Variants in MTSS1 observed in about 807,000 individuals in gnomAD.
MTSS1 encodes MTSS I-BAR domain containing 1.
A neutral mutation model predicts 79.0 loss-of-function variants in MTSS1; 18 were observed. That is an observed-to-expected ratio of 0.23 (90% CI 0.16 to 0.34). The LOEUF is 0.34. Ranked by LOEUF, MTSS1 falls within the 10% of genes least tolerant of loss-of-function variation. MTSS1 has a pLI of 1.00. For missense variants in MTSS1, 815 were observed against 986.2 expected (o/e 0.83, Z 2.33); for synonymous variants, 341 against 368.6 (o/e 0.93, Z 0.86).
chr8:124,711,782 G>T (rs945821173), intron 1 of MTSS1, among the ~76,000 whole-genome samples: 3 of 152,132 alleles, frequency 2.0e-5, no homozygotes, highest in African/African-American at 7.2e-5. Context: ...TGAGGCAGAT[G>T]GATCACCTGA....
intron 3 of MTSS1, among the ~76,000 whole-genome samples, chr8:124,609,226 A>G (rs1835357383): frequency 1.3e-5 from 2 of 152,208 alleles, no homozygotes; most frequent in Non-Finnish European, 2.9e-5. Context: ...CTGCTGGGAC[A>G]GTCTCCTGCT....
chr8:124,577,571 A>G (rs1197100591), intron 6 of MTSS1: 1 of 518,950 alleles, frequency 1.9e-6, no homozygotes, highest in South Asian at 1.4e-5. Flanking sequence ...TCAGACATCT[A>G]TGGATTCAGG....
rs1588011300 is a variant in MTSS1 at position 124,724,395 on chromosome 8, A to T, written c.72+3489T>A. Among the ~76,000 whole-genome samples the T allele has an allele frequency of 2.0e-5, 3 of 152,142 alleles. No individual in the cohort carries two copies. The East Asian group carries it at 5.8e-4, about 29-fold the overall frequency. On this transcript the variant is annotated intron_variant, in intron 1 of 13. Coordinates refer to ENST00000518547, the MANE Select transcript of MTSS1 (RefSeq NM_014751.6). ...TATTCTGCTCAGCACAGGTGCTGGT[A>T]ACAGGACACCCCTGTCTAAAGTGAC...
intron 3 of MTSS1, among the ~76,000 whole-genome samples, chr8:124,599,482 C>CAAA (rs202122400): frequency 5.8e-5 from 5 of 85,666 alleles, no homozygotes; most frequent in Admixed American, 1.2e-4. Context: ...GACTCCGTCT[C>CAAA]AAAAAAAAAA....
intron 2 of MTSS1, among the ~76,000 whole-genome samples, chr8:124,702,437 G>A (rs1187726221): frequency 6.6e-6 from 1 of 152,202 alleles, no homozygotes; most frequent in Non-Finnish European, 1.5e-5. Context: ...CAGGGCTTAA[G>A]TACAGGACTT....
At chr8:124,586,511 G>T (rs558268138) in intron 5 of MTSS1, among the ~76,000 whole-genome samples, 146 of 152,168 alleles carry the variant, frequency 9.6e-4, no homozygotes, top group African/African-American at 3.3e-3. Context: ...CCTGTGCTCT[G>T]CCCTACAGTC....
chr8:124,605,617 C>A lies in MTSS1; in HGVS notation c.209-14382G>T, dbSNP rs137882296. 2.1e-5 allele frequency among the ~76,000 whole-genome samples: 3 copies of A among 140,524 alleles called. No individual in the cohort carries two copies. The East Asian group carries it at 6.3e-4, about 29-fold the overall frequency. The allele number at this position is 140,524 out of a possible 152,430, so 92.2% of individuals were successfully genotyped here. Reference sequence around the variant, plus strand: ...TGCCTCCCTCCCTGCCCTCGCGCTGCCTCCCTCCCTGCCCTCGCGCTGGGC... The same window carrying A: ...TGCCTCCCTCCCTGCCCTCGCGCTGACTCCCTCCCTGCCCTCGCGCTGGGC... On this transcript the variant is annotated intron_variant, in intron 3 of 13. Coordinates refer to ENST00000518547, the MANE Select transcript of MTSS1 (RefSeq NM_014751.6).
rs1321475516 is a variant in MTSS1 at position 124,552,459 on chromosome 8, T to G, written c.*533A>C. On this transcript the variant is annotated 3_prime_UTR_variant, in exon 14 of 14. Coordinates refer to ENST00000518547, the MANE Select transcript of MTSS1 (RefSeq NM_014751.6). ...TTCACTCTGAATATTGCTCATCAAT[T>G]GTTACTCCTGCTCTTTTCATCCAGA... The G allele has an allele frequency of 6.4e-6, 1 of 156,132 alleles. No homozygotes were observed. Among genetic ancestry groups the G allele is most frequent in the Non-Finnish European group, 1.4e-5 (1 of 70,298 alleles). 9.7% of individuals were successfully genotyped at this position (156,132 alleles called of 1,614,324 possible).
At chr8:124,656,221 T>C (rs572565301) in intron 3 of MTSS1, among the ~76,000 whole-genome samples, 17 of 152,182 alleles carry the variant, frequency 1.1e-4, no homozygotes, top group African/African-American at 3.9e-4. Context: ...GCTAGCATAC[T>C]TGAACTCAAA....
At chr8:124,560,674 CAACAA>C (rs1258333946) in intron 10 of MTSS1, among the ~76,000 whole-genome samples, 1 of 152,038 alleles carries the variant, frequency 6.6e-6, no homozygotes, top group Non-Finnish European at 1.5e-5. Flanking sequence ...AAAAATAAAA[CAACAA>C]AACAGTAACC....
chr8:124,614,557 G>A (rs192691751), intron 3 of MTSS1, among the ~76,000 whole-genome samples: 1 of 152,336 alleles, frequency 6.6e-6, no homozygotes, highest in African/African-American at 2.4e-5. Context: ...GGATCCAGAA[G>A]ACTATGCTTC....
rs1364000140 is a variant in MTSS1 at position 124,727,136 on chromosome 8, CA to C, written c.72+747del. ...CGCGCGCACACACACACCATCTTCA[CA>C]ACCCTTCCAAGAGAAAACCTAGAGT... On this transcript the variant is annotated intron_variant, in intron 1 of 13. Coordinates refer to ENST00000518547, the MANE Select transcript of MTSS1 (RefSeq NM_014751.6). This position sits in a 1 kb window ranked among gnomAD's most constrained non-coding sequence, Gnocchi z 4.7. Among the ~76,000 whole-genome samples the C allele has an allele frequency of 6.6e-6, 1 of 152,150 alleles. No homozygotes were observed. Among genetic ancestry groups the C allele is most frequent in the Non-Finnish European group, 1.5e-5 (1 of 68,004 alleles).
At chr8:124,716,306 C>A (rs1831968387) in intron 1 of MTSS1, among the ~76,000 whole-genome samples, 1 of 152,280 alleles carries the variant, frequency 6.6e-6, no homozygotes, top group Non-Finnish European at 1.5e-5. Context: ...GCGTTCCCTG[C>A]AAAAGACAGA....
At position 124,716,981 on chromosome 8, in the gene MTSS1, T is replaced by G. The variant is rs1483526419; in HGVS notation, c.72+10903A>C. Among the ~76,000 whole-genome samples, 17 of 150,914 alleles carry G rather than the reference T, an allele frequency of 1.1e-4. 1 individual carries two copies. The highest frequency in any genetic ancestry group is 1.1e-3 in the Admixed American group (17 of 15,182). ...TGTCTAGTCACAAGGATGTACTTGTTGTAGGGTTGCTTATAATTAGTAAAA... is the reference window on the plus strand; with the variant it reads ...TGTCTAGTCACAAGGATGTACTTGTGGTAGGGTTGCTTATAATTAGTAAAA... On this transcript the variant is annotated intron_variant, in intron 1 of 13. Coordinates refer to ENST00000518547, the MANE Select transcript of MTSS1 (RefSeq NM_014751.6).
At chr8:124,652,797 A>C (rs796893835) in intron 3 of MTSS1, among the ~76,000 whole-genome samples, 1 of 149,126 alleles carries the variant, frequency 6.7e-6, no homozygotes, top group Non-Finnish European at 1.5e-5. Flanking sequence ...TCCGTCTCAA[A>C]AAAAAAAAAA....
chr8:124,599,296 C>T (rs983208058), intron 3 of MTSS1, among the ~76,000 whole-genome samples: 1 of 152,010 alleles, frequency 6.6e-6, no homozygotes, highest in African/African-American at 2.4e-5. Context: ...CCAGCCTGGC[C>T]AACATGGTGA....
In MTSS1 at chr8:124,585,145, G is replaced by T. The variant is rs776589180; in HGVS notation, c.402C>A (p.Arg134=). 5.0e-6 allele frequency: 8 copies of T among 1,612,880 alleles called. No individual in the cohort carries two copies. Among genetic ancestry groups the T allele is most frequent in the Non-Finnish European group, 6.8e-6 (8 of 1,179,676 alleles). The change falls in exon 6 of 14, where the codon CGC becomes CGA. Residue 134 remains arginine (R), a synonymous_variant. Transcript: ENST00000518547. ...CCGAGGACTTCTTTTTTATCTCTTG[G>T]CGGGCTTTCTTATATTCTAAGAGAA... ...KDHAKEYKKA[R]QEIKKKSSDT...
intron 2 of MTSS1, among the ~76,000 whole-genome samples, chr8:124,702,295 T>C (rs1488833871): frequency 1.3e-5 from 2 of 152,190 alleles, no homozygotes; most frequent in African/African-American, 2.4e-5. Flanking sequence ...ATGGTAATCA[T>C]GGCAGACATG....
At position 124,565,766 on chromosome 8, in the gene MTSS1, G is replaced by A. The variant is rs1586842655; in HGVS notation, c.727-7C>T. ...CTTTCAAGTCCAGAATCACCTAAGG[G>A]GACAGAGCCAGCTGGGTGAATGAGG... is the stretch of plus-strand genomic sequence containing the variant. On this transcript the variant is annotated splice_polypyrimidine_tract_variant and splice_region_variant and intron_variant, in intron 8 of 13. Transcript: ENST00000518547. The A allele has an allele frequency of 6.2e-7, 1 of 1,607,642 alleles. No homozygotes were observed. Among genetic ancestry groups the A allele is most frequent in the East Asian group, 2.2e-5 (1 of 44,844 alleles).
Sources: gnomAD v4.1 joint callset for allele counts (sites outside exome capture counted in the v4.1 genomes callset) on GRCh38, gnomAD v4.1.1 for gene constraint, Gnocchi (gnomAD v3.1) non-coding constraint, MANE v1.5 for transcripts, NCBI Gene and HGNC (gene_info 2026-07-23, HGNC 2026-07-21) for gene names.